OSBPL11: variants seen among roughly 807,000 people sequenced by gnomAD.
OSBPL11 encodes the protein oxysterol-binding protein-related protein 11.
Under a neutral mutation model 84.4 loss-of-function variants are expected in OSBPL11, and 33 were observed. The observed-to-expected ratio is 0.39, with a 90% CI of 0.30 to 0.52. OSBPL11 has a LOEUF of 0.52. Ranked by LOEUF, OSBPL11 falls within the 20% of genes least tolerant of loss-of-function variation. The pLI, the probability that OSBPL11 is intolerant of heterozygous loss-of-function variation, is 0.72. For synonymous variants in OSBPL11, 276 were observed against 310.2 expected, an observed-to-expected ratio of 0.89 and a Z score of 1.16; for missense variants, 736 against 901.1, an observed-to-expected ratio of 0.82 and a Z score of 2.35.
At chr3:125,555,986 A>G (rs1935985756) in intron 8 of OSBPL11, among the ~76,000 whole-genome samples, 1 of 152,186 alleles carries the variant, frequency 6.6e-6, no homozygotes, top group Admixed American at 6.5e-5. Context: ...CCTGGCCACA[A>G]GTAACAAATT....
At chr3:125,531,819 C>A in intron 12 of OSBPL11, 42 bp downstream of exon 12, 1 of 1,558,302 alleles carries the variant, frequency 6.4e-7, no homozygotes, top group South Asian at 1.2e-5. Context: ...AAGTTCTCAG[C>A]CAAGTAGATA....
intron 1 of OSBPL11, among the ~76,000 whole-genome samples, chr3:125,593,115 C>T (rs981437024): frequency 6.6e-6 from 1 of 152,224 alleles, no homozygotes; most frequent in Non-Finnish European, 1.5e-5. Flanking sequence ...ACTCCCGGCT[C>T]TCTCCAGACC....
intron 8 of OSBPL11, among the ~76,000 whole-genome samples, chr3:125,555,720 T>C (rs1346457294): frequency 6.6e-6 from 1 of 152,128 alleles, no homozygotes; most frequent in Non-Finnish European, 1.5e-5. Context: ...AGTCTCGCTC[T>C]GTCACCCAGG....
At chr3:125,594,533 C>A in intron 1 of OSBPL11, 104 bp downstream of exon 1, 1 of 1,338,702 alleles carries the variant, frequency 7.5e-7, no homozygotes, top group African/African-American at 1.5e-5. Context: ...CTTCTGGAAG[C>A]CAGTGAAAAA....
At chr3:125,558,030 G>C (rs12491703) in intron 8 of OSBPL11, among the ~76,000 whole-genome samples, 10,158 of 152,156 alleles carry the variant, frequency 0.067, 455 homozygotes, top group Non-Finnish European at 0.098. Context: ...TTGAGCTCAT[G>C]TAATCCACCT....
chr3:125,587,631 A>C (rs1936534453), intron 1 of OSBPL11, among the ~76,000 whole-genome samples: 1 of 152,178 alleles, frequency 6.6e-6, no homozygotes. Flanking sequence ...AAACCAGAGA[A>C]AGTGTTTCAA....
At chr3:125,534,820 T>G (rs1935615546) in intron 11 of OSBPL11, among the ~76,000 whole-genome samples, 1 of 151,792 alleles carries the variant, frequency 6.6e-6, no homozygotes, top group Admixed American at 6.6e-5. Flanking sequence ...TCTATGGATG[T>G]TTCATGCTAT....
chr3:125,590,758 A>C (rs193216288), intron 1 of OSBPL11, among the ~76,000 whole-genome samples: 1 of 152,198 alleles, frequency 6.6e-6, no homozygotes, highest in Non-Finnish European at 1.5e-5. Context: ...TATTTGCTAC[A>C]TAAGTTAGAA....
chr3:125,546,520 C>A (rs148824251), intron 10 of OSBPL11, among the ~76,000 whole-genome samples: 1 of 152,158 alleles, frequency 6.6e-6, no homozygotes, highest in South Asian at 2.1e-4. Context: ...TTAGTAGAGA[C>A]GGAGTCTCGT....
intron 12 of OSBPL11, among the ~76,000 whole-genome samples, chr3:125,531,021 A>G (rs1271335026): frequency 6.6e-6 from 1 of 151,276 alleles, no homozygotes; most frequent in Non-Finnish European, 1.5e-5. Context: ...TTGCTCTGTC[A>G]GCCAGGCTGG....
intron 11 of OSBPL11, among the ~76,000 whole-genome samples, chr3:125,537,738 A>G (rs918439827): frequency 5.3e-5 from 8 of 152,200 alleles, no homozygotes; most frequent in African/African-American, 1.4e-4. Flanking sequence ...AAATTTAAAC[A>G]GTACAAATAG....
At chr3:125,562,762 A>G (rs1372843800) in intron 7 of OSBPL11, among the ~76,000 whole-genome samples, 1 of 152,172 alleles carries the variant, frequency 6.6e-6, no homozygotes, top group Non-Finnish European at 1.5e-5. Context: ...CCCCTTCTCT[A>G]CTAAAAATAC....
At chr3:125,571,141 T>C (rs1001448878) in intron 5 of OSBPL11, among the ~76,000 whole-genome samples, 2 of 152,180 alleles carry the variant, frequency 1.3e-5, no homozygotes, top group African/African-American at 4.8e-5. Context: ...CAAAGGTGAC[T>C]CTTGTTAGGT....
In OSBPL11 at chr3:125,594,630, A is replaced by G. The variant is rs751466714; in HGVS notation, c.164+7T>C. ...CTCGGGAAATAATTTTGGAGAAAGG[A>G]GCATACCTGTACTGCCAGCCTTTTG... On this transcript the variant is annotated splice_region_variant and intron_variant, in intron 1 of 12. Transcript: ENST00000296220. 6.8e-6 allele frequency: 11 copies of G among 1,612,502 alleles called. No individual in the cohort carries two copies. Among genetic ancestry groups the G allele is most frequent in the African/African-American group, 4.0e-5 (3 of 75,002 alleles).
rs184506187 is a variant in OSBPL11, at chr3:125,531,225, G to A, written c.2178+636C>T. Among the ~76,000 whole-genome samples, 610 of 151,240 alleles carry A rather than the reference G, an allele frequency of 4.0e-3. 2 individuals carry two copies. Among genetic ancestry groups the A allele is most frequent in the Middle Eastern group, 0.01 (3 of 290 alleles). Reference sequence around the variant, plus strand: ...AAACTCCTGACCTCATGATCCGCCCGCCTCGGCCTCCCAAAGTGCTGGGAT... The same window carrying A: ...AAACTCCTGACCTCATGATCCGCCCACCTCGGCCTCCCAAAGTGCTGGGAT... On this transcript the variant is annotated intron_variant, in intron 12 of 12. Transcript: ENST00000296220.
intron 9 of OSBPL11, among the ~76,000 whole-genome samples, chr3:125,547,849 C>T (rs1935842393): frequency 6.6e-6 from 1 of 152,078 alleles, no homozygotes; most frequent in Admixed American, 6.6e-5. Context: ...ACAGTGGAAA[C>T]ATTTCAAGGG....
At chr3:125,555,215 G>T (rs933190545) in intron 8 of OSBPL11, among the ~76,000 whole-genome samples, 1 of 152,068 alleles carries the variant, frequency 6.6e-6, no homozygotes, top group Non-Finnish European at 1.5e-5. Context: ...CAAGTTCTTC[G>T]CTTTTGGACT....
chr3:125,560,915 T>C (rs1029494364), intron 7 of OSBPL11, among the ~76,000 whole-genome samples: 2 of 152,104 alleles, frequency 1.3e-5, no homozygotes, highest in Non-Finnish European at 2.9e-5. Flanking sequence ...GCCAGGCTGG[T>C]CTCAAGCTCC....
intron 1 of OSBPL11, 48 bp from the exon 2 acceptor site, chr3:125,583,026 C>G (rs778261114): frequency 1.4e-4 from 196 of 1,365,784 alleles, no homozygotes; most frequent in Non-Finnish European, 1.9e-4. Context: ...AGAAGAAATC[C>G]CAGGAGGATA....
Sources: gnomAD v4.1 joint callset for allele counts (sites outside exome capture counted in the v4.1 genomes callset) on GRCh38, gnomAD v4.1.1 for gene constraint, MANE v1.5 for transcripts, NCBI Gene and HGNC (gene_info 2026-07-23, HGNC 2026-07-21) for gene names.